ADAMTSL1: variants seen among roughly 807,000 people sequenced by gnomAD.
ADAMTSL1 encodes ADAMTS-like protein 1.
A neutral mutation model predicts 201.8 loss-of-function variants in ADAMTSL1; 126 were observed. The observed-to-expected ratio is 0.62, with a 90% CI of 0.54 to 0.72. The LOEUF (loss-of-function observed/expected upper bound fraction) is 0.72, where lower values mean the gene tolerates loss of function less well. Among genes scored for constraint, ADAMTSL1 ranks in the 30% least tolerant of loss-of-function variants. The pLI is 0.00. For synonymous variants in ADAMTSL1, 1,121 were observed against 903.4 expected (o/e 1.24, Z -4.32); for missense variants, 2,679 against 2,277.8 (o/e 1.18, Z -3.59).
intron 2 of ADAMTSL1, among the ~76,000 whole-genome samples, chr9:18,268,707 C>T (rs1001427136): frequency 1.3e-5 from 2 of 152,106 alleles, no homozygotes; most frequent in Non-Finnish European, 2.9e-5. Context: ...CTGGCTCATT[C>T]TCAGTGTGGA....
chr9:18,372,714 C>G (rs1267493804), intron 2 of ADAMTSL1, among the ~76,000 whole-genome samples: 1 of 152,200 alleles, frequency 6.6e-6, no homozygotes, highest in Non-Finnish European at 1.5e-5. Context: ...TGAAGGCTTG[C>G]TCCCATCTAT....
At position 18,049,084 on chromosome 9, in the gene ADAMTSL1, G is replaced by C. The variant is rs901740997; in HGVS notation, c.88-114778G>C. On this transcript the variant is annotated intron_variant, in intron 1 of 29. Transcript: ENST00000680146. ...ACACTGCTGCTTTCTCTGTGTCTCT[G>C]CTCTCCCTCCCCTTTCTCTTATAAG... is the stretch of plus-strand genomic sequence containing the variant. Among the ~76,000 whole-genome samples the C allele has an allele frequency of 1.2e-4, 18 of 152,036 alleles. 1 individual carries two copies. Among genetic ancestry groups the C allele is most frequent in the African/African-American group, 4.1e-4 (17 of 41,380 alleles).
intron 23 of ADAMTSL1, among the ~76,000 whole-genome samples, chr9:18,862,229 C>CT (rs879409374): frequency 1.1e-3 from 161 of 152,082 alleles, no homozygotes; most frequent in Non-Finnish European, 2.0e-3. Context: ...AGCGAAGGTT[C>CT]TTTTTTTGTG....
chr9:18,403,156 CTT>C (rs372233930), intron 2 of ADAMTSL1, among the ~76,000 whole-genome samples: 7 of 148,506 alleles, frequency 4.7e-5, no homozygotes, highest in Admixed American at 2.0e-4. Context: ...TTCTTGTAAT[CTT>C]TTTTTTTTTA....
At chr9:18,074,408 G>A (rs541288059) in intron 1 of ADAMTSL1, among the ~76,000 whole-genome samples, 1 of 152,266 alleles carries the variant, frequency 6.6e-6, no homozygotes, top group Non-Finnish European at 1.5e-5. Flanking sequence ...GACCCTGGAG[G>A]AAAGGACTCA....
intron 2 of ADAMTSL1, among the ~76,000 whole-genome samples, chr9:18,311,019 C>G (rs113386110): frequency 0.069 from 10,484 of 152,054 alleles, 1,162 homozygotes; most frequent in African/African-American, 0.24. Flanking sequence ...GAATACTATG[C>G]AGCCATAAAA....
chr9:18,414,408 T>C (rs1353464750), intron 2 of ADAMTSL1, among the ~76,000 whole-genome samples: 1 of 152,210 alleles, frequency 6.6e-6, no homozygotes, highest in Non-Finnish European at 1.5e-5. Context: ...CTATTAAGCA[T>C]TTTTAAAAAG....
chr9:18,091,930 C>T (rs906878501), intron 1 of ADAMTSL1, among the ~76,000 whole-genome samples: 2 of 152,042 alleles, frequency 1.3e-5, no homozygotes, highest in African/African-American at 4.8e-5. Context: ...AGGTCCAAGA[C>T]AAGCTTTTAA....
At chr9:18,340,194 T>C (rs1394905830) in intron 2 of ADAMTSL1, among the ~76,000 whole-genome samples, 1 of 152,352 alleles carries the variant, frequency 6.6e-6, no homozygotes, top group African/African-American at 2.4e-5. Context: ...TGTTTCTTTC[T>C]ATCTTGTTGG....
chr9:18,647,027 T>C (rs960685000), intron 7 of ADAMTSL1, among the ~76,000 whole-genome samples: 2 of 152,042 alleles, frequency 1.3e-5, no homozygotes, highest in Admixed American at 1.3e-4. Flanking sequence ...CCTGGACTCT[T>C]TTTGGTTGGT....
intron 2 of ADAMTSL1, among the ~76,000 whole-genome samples, chr9:18,433,669 C>G (rs952394533): frequency 8.6e-5 from 13 of 151,946 alleles, no homozygotes. Context: ...TATATTAATC[C>G]CAGAGATCTG....
At chr9:18,060,865 T>C (rs1354793662) in intron 1 of ADAMTSL1, among the ~76,000 whole-genome samples, 1 of 152,214 alleles carries the variant, frequency 6.6e-6, no homozygotes, top group African/African-American at 2.4e-5. Context: ...GGATTGTCCT[T>C]GCTTTACCAG....
intron 1 of ADAMTSL1, among the ~76,000 whole-genome samples, chr9:18,498,814 A>G (rs185042539): frequency 1.3e-5 from 2 of 152,252 alleles, no homozygotes; most frequent in Admixed American, 6.5e-5. Context: ...AAAATAAGGA[A>G]AAAAAATTCT....
intron 1 of ADAMTSL1, among the ~76,000 whole-genome samples, chr9:18,072,227 G>C (rs1274383250): frequency 6.6e-6 from 1 of 152,062 alleles, no homozygotes; most frequent in Non-Finnish European, 1.5e-5. Flanking sequence ...CATTACTTTC[G>C]ATGGCAGCTG....
In ADAMTSL1 at chr9:18,724,909, CT is replaced by C. The variant is rs11403576; in HGVS notation, c.2006+3254del. Among the ~76,000 whole-genome samples, 264 of 148,532 alleles carry C rather than the reference CT, an allele frequency of 1.8e-3. 1 individual carries two copies. Among genetic ancestry groups the C allele is most frequent in the African/African-American group, 4.9e-3 (200 of 40,574 alleles). ...AACATAAATAGCCTCAGGATTGAACCTTTTTTTTTTCTTTTGAGACAGAGTC... is the reference window on the plus strand; with the variant it reads ...AACATAAATAGCCTCAGGATTGAACCTTTTTTTTTCTTTTGAGACAGAGTC... On this transcript the variant is annotated intron_variant, in intron 15 of 28. Coordinates refer to ENST00000380548, the MANE Select transcript of ADAMTSL1 (RefSeq NM_001040272.6).
chr9:17,919,055 C>T (rs553514653), intron 1 of ADAMTSL1, among the ~76,000 whole-genome samples: 3 of 151,716 alleles, frequency 2.0e-5, no homozygotes, highest in Non-Finnish European at 3.0e-5. Flanking sequence ...TCACACTGTA[C>T]CTTTAATGTG....
At chr9:18,624,170 G>C in intron 5 of ADAMTSL1, among the ~76,000 whole-genome samples, 1 of 152,158 alleles carries the variant, frequency 6.6e-6, no homozygotes, top group East Asian at 1.9e-4. Flanking sequence ...AGTGGAAAAT[G>C]TAATTCTGCA....
intron 2 of ADAMTSL1, among the ~76,000 whole-genome samples, chr9:18,387,394 C>T (rs1837845436): frequency 6.6e-6 from 1 of 151,702 alleles, no homozygotes. Context: ...TCCTCCTATG[C>T]AGCCTTGCTA....
At chr9:17,967,885 T>C (rs1818043026) in intron 1 of ADAMTSL1, among the ~76,000 whole-genome samples, 1 of 152,124 alleles carries the variant, frequency 6.6e-6, no homozygotes, top group South Asian at 2.1e-4. Flanking sequence ...ACTGGGATCA[T>C]GAAAAGTCTA....
Sources: gnomAD v4.1 joint callset for allele counts (sites outside exome capture counted in the v4.1 genomes callset) on GRCh38, gnomAD v4.1.1 for gene constraint, MANE v1.5 for transcripts, NCBI Gene and HGNC (gene_info 2026-07-23, HGNC 2026-07-21) for gene names.